Variants in EML5 observed in about 807,000 individuals in gnomAD.
The protein encoded by EML5 is EMAP like 5.
EML5 carries 120 observed loss-of-function variants against 250.0 expected under a neutral mutation model. The observed-to-expected ratio is 0.48, with a 90% CI of 0.41 to 0.56. EML5 has a LOEUF of 0.56. Among genes scored for constraint, EML5 ranks in the 20% least tolerant of loss-of-function variants. The pLI, the probability that EML5 is intolerant of heterozygous loss-of-function variation, is 0.00. For synonymous variants in EML5, 771 were observed against 806.5 expected (o/e 0.96, Z 0.75); for missense variants, 2,006 against 2,437.6 (o/e 0.82, Z 3.73).
intron 17 of EML5, among the ~76,000 whole-genome samples, chr14:88,690,214 G>A (rs1163824796): frequency 2.0e-5 from 3 of 152,172 alleles, no homozygotes; most frequent in African/African-American, 7.2e-5. Flanking sequence ...CAGTACTGCA[G>A]GCCATTGTAA....
intron 41 of EML5, chr14:88,617,391 C>G (rs2087831549): frequency 6.6e-6 from 1 of 152,582 alleles, no homozygotes; most frequent in Non-Finnish European, 1.5e-5. Context: ...AGGTGATCAC[C>G]CCCGCTCGGC....
Position 88,740,497 on chromosome 14 carries a change from G to C in EML5, c.601C>G (p.Leu201Val). ...FGKTGDLQTI[L>V]CLACARDELT... is the part of the protein sequence containing the mutation. ...TCATCCCTTGCACAGGCTAGGCACA[G>C]TATTGTCTGAAGGTCACCCGTCTTA... Residue 201 changes from leucine to valine, a missense_variant, in exon 5 of 44, where the codon CTG becomes GTG. Leu to Val is a conservative substitution (Grantham distance 32). Around this residue, in one of 7 missense-constraint regions of EML5, gnomAD observed 1,375 missense variants for 1,590.3 expected, o/e 0.86. Coordinates refer to ENST00000554922, the MANE Select transcript of EML5 (RefSeq NM_183387.3). The C allele has an allele frequency of 2.5e-6, 4 of 1,613,788 alleles. No individual in the cohort carries two copies. Among genetic ancestry groups the C allele is most frequent in the Non-Finnish European group, 3.4e-6 (4 of 1,179,780 alleles).
intron 21 of EML5, among the ~76,000 whole-genome samples, chr14:88,681,486 T>A (rs554715501): frequency 3.3e-5 from 5 of 152,320 alleles, no homozygotes; most frequent in African/African-American, 9.6e-5. Flanking sequence ...TGGGCTCAGT[T>A]CTATTTACAA....
chr14:88,655,613 A>C (rs974242407), intron 27 of EML5, among the ~76,000 whole-genome samples: 2 of 152,214 alleles, frequency 1.3e-5, no homozygotes, highest in Non-Finnish European at 2.9e-5. Flanking sequence ...AACAAAAGCA[A>C]AAATTGACAA....
chr14:88,654,973 T>C (rs1216351111), intron 27 of EML5, among the ~76,000 whole-genome samples: 1 of 152,130 alleles, frequency 6.6e-6, no homozygotes. Context: ...ATTGGGTGCA[T>C]ATATATTTAG....
intron 33 of EML5, among the ~76,000 whole-genome samples, chr14:88,632,369 G>T (rs921384609): frequency 5.9e-5 from 9 of 152,066 alleles, no homozygotes; most frequent in African/African-American, 2.2e-4. Context: ...AGTGAGAGTG[G>T]TTTTCTCAAA....
chr14:88,767,595 A>G (rs1252679652), intron 1 of EML5, among the ~76,000 whole-genome samples: 5 of 152,162 alleles, frequency 3.3e-5, no homozygotes, highest in African/African-American at 1.2e-4. Flanking sequence ...TCTTGGTACA[A>G]TTCTTTTCTC....
chr14:88,640,228 C>CT (rs2090983747), intron 31 of EML5, among the ~76,000 whole-genome samples: 2 of 152,206 alleles, frequency 1.3e-5, no homozygotes, highest in African/African-American at 4.8e-5. Context: ...AAAGAACACT[C>CT]TGCCCATCAA....
intron 1 of EML5, among the ~76,000 whole-genome samples, chr14:88,759,012 T>C (rs1306677785): frequency 6.6e-6 from 1 of 152,168 alleles, no homozygotes; most frequent in Non-Finnish European, 1.5e-5. Context: ...GGAGAATGGA[T>C]AAGGACTGCT....
intron 1 of EML5, among the ~76,000 whole-genome samples, chr14:88,784,397 A>G (rs547705206): frequency 1.3e-5 from 2 of 152,094 alleles, no homozygotes; most frequent in African/African-American, 4.8e-5. Context: ...ACAAACCTTT[A>G]GCCACATTAA....
rs371948981 is a variant in EML5, at chr14:88,644,422, G to A, written c.4107+11C>T. Reference sequence around the variant, plus strand: ...ACATTTCAGTAACACTGGAGAGTGAGTTTTCCTTACCTCTATAGGTCTCTT... The same window carrying A: ...ACATTTCAGTAACACTGGAGAGTGAATTTTCCTTACCTCTATAGGTCTCTT... On this transcript the variant is annotated intron_variant, in intron 30 of 43. Coordinates refer to ENST00000554922, the MANE Select transcript of EML5 (RefSeq NM_183387.3). The A allele has an allele frequency of 1.1e-4, 175 of 1,612,838 alleles. 1 individual carries two copies. The highest frequency in any genetic ancestry group is 1.6e-4 in the Middle Eastern group (1 of 6,072).
intron 41 of EML5, 165 bp downstream of exon 41, chr14:88,618,063 C>A: frequency 2.3e-6 from 1 of 426,956 alleles, no homozygotes; most frequent in East Asian, 3.5e-5. Flanking sequence ...GAAATATATT[C>A]AATAAAAAGG....
At chr14:88,737,503 C>A (rs1312308810) in intron 6 of EML5, among the ~76,000 whole-genome samples, 2 of 152,248 alleles carry the variant, frequency 1.3e-5, no homozygotes, top group African/African-American at 4.8e-5. Context: ...GAGCCCAGTG[C>A]AGCCCGGGAC....
intron 20 of EML5, among the ~76,000 whole-genome samples, chr14:88,684,380 C>T (rs1394903481): frequency 5.3e-5 from 7 of 133,078 alleles, no homozygotes; most frequent in Non-Finnish European, 9.4e-5. Flanking sequence ...CCGTTTTAGC[C>T]GGGATGGTCT....
chr14:88,664,359 A>G, intron 23 of EML5, 134 bp downstream of exon 23: 1 of 703,298 alleles, frequency 1.4e-6, no homozygotes, highest in South Asian at 3.0e-5. Flanking sequence ...ATAGTAAAAA[A>G]TAATTTTGAG....
chr14:88,640,306 T>C (rs2090990618), intron 31 of EML5, among the ~76,000 whole-genome samples: 1 of 152,158 alleles, frequency 6.6e-6, no homozygotes. Context: ...TGTTCAGCCA[T>C]AAAGCAAGTC....
In EML5 at chr14:88,622,728, T is replaced by C. The variant is rs775025417; in HGVS notation, c.4899-10A>G. 6.3e-7 allele frequency: 1 copy of C among 1,581,310 alleles called. No homozygotes were observed. Among genetic ancestry groups the C allele is most frequent in the South Asian group, 1.2e-5 (1 of 84,858 alleles). On this transcript the variant is annotated splice_polypyrimidine_tract_variant and intron_variant, in intron 36 of 43. Coordinates refer to ENST00000554922, the MANE Select transcript of EML5 (RefSeq NM_183387.3). ...TCCTCCTTCTTTTGACCTAAGTAAA[T>C]AACCAAGCCAGAGTAAGTGTTCATT...
rs987884037 is a variant in EML5, at chr14:88,792,944, G to C, written c.-441C>G. Among the ~76,000 whole-genome samples, 3 of 146,708 alleles carry C rather than the reference G, an allele frequency of 2.0e-5. No homozygotes were observed. The highest frequency in any genetic ancestry group is 5.3e-5 in the African/African-American group (2 of 37,796). On this transcript the variant is annotated 5_prime_UTR_variant, in exon 1 of 44. Coordinates refer to ENST00000554922, the MANE Select transcript of EML5 (RefSeq NM_183387.3). The surrounding 1 kb of genome is among the most constrained non-coding windows in gnomAD (Gnocchi z 6.9). ...GACCCGCGCCGCGCACCCCGAAACC[G>C]AGCGAGCCGAGCCGAGCCGAGCCGA... is the stretch of plus-strand genomic sequence containing the variant.
At chr14:88,660,966 A>G (rs2092077639) in intron 25 of EML5, among the ~76,000 whole-genome samples, 1 of 152,180 alleles carries the variant, frequency 6.6e-6, no homozygotes, top group Admixed American at 6.5e-5. Context: ...AGTATTTTCT[A>G]TTTAATTGGT....
Sources: gnomAD v4.1 joint callset for allele counts (sites outside exome capture counted in the v4.1 genomes callset) on GRCh38, gnomAD v4.1.1 for gene constraint, gnomAD v4.1.1 regional missense constraint, Gnocchi (gnomAD v3.1) non-coding constraint, MANE v1.5 for transcripts, NCBI Gene and HGNC (gene_info 2026-07-23, HGNC 2026-07-21) for gene names.